WNK2: variants seen among roughly 807,000 people sequenced by gnomAD.
WNK2 encodes the protein serine/threonine-protein kinase WNK2.
Under a neutral mutation model 192.1 loss-of-function variants are expected in WNK2, and 67 were observed. The observed-to-expected ratio is 0.35, with a 90% CI of 0.29 to 0.43. The LOEUF (loss-of-function observed/expected upper bound fraction) is 0.43, where lower values mean the gene tolerates loss of function less well. Among genes scored for constraint, WNK2 ranks in the 20% least tolerant of loss-of-function variants. The probability of loss-of-function intolerance (pLI) is 1.00; values close to 1 mark genes in which losing one functional copy is unlikely to be tolerated. For missense variants in WNK2, 2,698 were observed against 3,089.7 expected (o/e 0.87, Z 3.01); for synonymous variants, 1,439 against 1,393.9 (o/e 1.03, Z -0.72).
At chr9:93,223,718 G>C (rs541561284) in intron 2 of WNK2, among the ~76,000 whole-genome samples, 1 of 152,244 alleles carries the variant, frequency 6.6e-6, no homozygotes, top group Admixed American at 6.5e-5. Context: ...CTGGCCCCCA[G>C]CTTGGGTCGA....
chr9:93,303,182 A>T (rs1237238068), intron 26 of WNK2, among the ~76,000 whole-genome samples: 1 of 152,144 alleles, frequency 6.6e-6, no homozygotes, highest in Non-Finnish European at 1.5e-5. Context: ...GGCCTCCCAA[A>T]GTGCTGGGAT....
chr9:93,242,451 T>G (rs1010406439), intron 7 of WNK2, among the ~76,000 whole-genome samples: 37 of 152,250 alleles, frequency 2.4e-4, no homozygotes, highest in Non-Finnish European at 7.3e-5. Context: ...ATTGAATTGC[T>G]ACAAGTTTGC....
chr9:93,246,102 T>C (rs1841634828), intron 7 of WNK2, among the ~76,000 whole-genome samples: 2 of 152,188 alleles, frequency 1.3e-5, no homozygotes, highest in South Asian at 4.1e-4. Flanking sequence ...CACCCCCATA[T>C]GCAAAATGCA....
Position 93,184,266 on chromosome 9 carries a change from C to T in WNK2, c.-122C>T, listed in dbSNP as rs1444460665. On this transcript the variant is annotated 5_prime_UTR_variant, in exon 1 of 30. In the 5' UTR this introduces an upstream ATG that the reference lacks. Coordinates refer to ENST00000427277, the MANE Select transcript of WNK2 (RefSeq NM_006648.4). ...GCGCGCAGGAGCTGGAGCGGCGCCA[C>T]GGCCCCCACCCCAGCGCGGACCTCG... Among the ~76,000 whole-genome samples, 1 of 151,036 alleles carries T rather than the reference C, an allele frequency of 6.6e-6. No individual in the cohort carries two copies. Among genetic ancestry groups the T allele is most frequent in the Non-Finnish European group, 1.5e-5 (1 of 67,642 alleles).
At chr9:93,245,303 C>T (rs1263354186) in intron 7 of WNK2, among the ~76,000 whole-genome samples, 1 of 152,202 alleles carries the variant, frequency 6.6e-6, no homozygotes, top group Non-Finnish European at 1.5e-5. Flanking sequence ...ACCGTCAATC[C>T]TCAGGCCCAT....
In WNK2 at chr9:93,292,338, A is replaced by G. The variant is rs1479847818; in HGVS notation, c.4967A>G (p.Tyr1656Cys). Reference protein sequence around the residue: ...AESSPRSMLGYDRDGRQVASD... With the variant: ...AESSPRSMLGCDRDGRQVASD... ...TCGTCTCCCAGGAGTATGCTAGGCT[A>G]TGACAGAGATGGAAGGCAGGTGGCC... Residue 1656 changes from tyrosine (Y) to cysteine (C), a missense_variant, in exon 22 of 30, where the codon TAT (tyrosine) becomes TGT (cysteine). Tyr to Cys is a radical substitution (Grantham distance 194). Coordinates refer to ENST00000427277, the MANE Select transcript of WNK2 (RefSeq NM_006648.4). 6.8e-6 allele frequency: 11 copies of G among 1,613,846 alleles called. No individual in the cohort carries two copies. Among genetic ancestry groups the G allele is most frequent in the South Asian group, 1.1e-5 (1 of 91,086 alleles).
At chr9:93,222,810 G>A (rs1837156169) in intron 2 of WNK2, among the ~76,000 whole-genome samples, 2 of 152,054 alleles carry the variant, frequency 1.3e-5, no homozygotes, top group South Asian at 2.1e-4. Context: ...AGCCTCCCGA[G>A]TAGCTGGGAT....
intron 7 of WNK2, among the ~76,000 whole-genome samples, chr9:93,246,202 C>T (rs1283191173): frequency 1.3e-5 from 2 of 152,192 alleles, no homozygotes; most frequent in African/African-American, 4.8e-5. Flanking sequence ...CAGCGGGAGG[C>T]CCTCAGCACT....
At chr9:93,279,422 C>T (rs1588398701) in intron 19 of WNK2, among the ~76,000 whole-genome samples, 1 of 152,214 alleles carries the variant, frequency 6.6e-6, no homozygotes, top group Non-Finnish European at 1.5e-5. Context: ...GAACAATGCT[C>T]ATGGAAATTA....
intron 4 of WNK2, among the ~76,000 whole-genome samples, chr9:93,231,741 G>A (rs1017206373): frequency 6.6e-6 from 1 of 152,202 alleles, no homozygotes; most frequent in African/African-American, 2.4e-5. Flanking sequence ...CAGTACAGAC[G>A]CCCTCCTGTG....
chr9:93,245,946 A>G (rs1841599938), intron 7 of WNK2, among the ~76,000 whole-genome samples: 1 of 152,156 alleles, frequency 6.6e-6, no homozygotes, highest in Non-Finnish European at 1.5e-5. Context: ...GGCTTCCCCT[A>G]GAGCAGATGA....
intron 4 of WNK2, among the ~76,000 whole-genome samples, chr9:93,233,401 T>C (rs1244924989): frequency 4.6e-5 from 7 of 151,890 alleles, no homozygotes; most frequent in Non-Finnish European, 1.0e-4. Flanking sequence ...AAATGTTAAC[T>C]TTAAAAAAGA....
chr9:93,208,698 G>GTGT (rs375326618), intron 2 of WNK2, among the ~76,000 whole-genome samples: 2 of 1,166 alleles, frequency 1.7e-3, no homozygotes, highest in Admixed American at 9.4e-3. Context: ...TGTTCTGTGT[G>GTGT]TCTGCGTGTT....
chr9:93,315,823 G>GTGTGTGTGTGTA (rs1021505499), intron 28 of WNK2: 20 of 146,908 alleles, frequency 1.4e-4, no homozygotes, highest in African/African-American at 4.9e-4. Context: ...GTGTGTGTGT[G>GTGTGTGTGTGTA]TATATAATGG....
intron 5 of WNK2, 92 bp from the exon 6 acceptor site, chr9:93,238,141 C>G: frequency 1.8e-6 from 2 of 1,124,076 alleles, no homozygotes; most frequent in Non-Finnish European, 2.7e-6. Context: ...CGTGTCCTGC[C>G]GTGGCTGGGA....
intron 19 of WNK2, among the ~76,000 whole-genome samples, chr9:93,275,812 G>A (rs1426867862): frequency 6.6e-6 from 1 of 152,230 alleles, no homozygotes; most frequent in East Asian, 1.9e-4. Context: ...TATACTGGCA[G>A]TGAACAATTG....
intron 29 of WNK2, chr9:93,318,339 G>A: frequency 6.3e-7 from 1 of 1,586,562 alleles, no homozygotes. Flanking sequence ...AAGTATTGAA[G>A]AGCTTCCATT....
intron 2 of WNK2, among the ~76,000 whole-genome samples, chr9:93,193,563 A>T: frequency 6.6e-6 from 1 of 152,220 alleles, no homozygotes; most frequent in East Asian, 1.9e-4. Flanking sequence ...GCTGCAGATA[A>T]GGAAAAGGGT....
rs1289644737 is a variant in WNK2 at position 93,239,729 on chromosome 9, C to T, written c.1323-28C>T. On this transcript the variant is annotated intron_variant, in intron 6 of 29. Transcript: ENST00000427277. This position sits in a 1 kb window ranked among gnomAD's most constrained non-coding sequence, Gnocchi z 4.2. The stretch of plus-strand genomic sequence containing the variant: ...GGCATGGAGGCCCTGGCGCCCGTGC[C>T]CCTGCCTGTCAGCTGCTCTCCCTCC... 3.9e-6 allele frequency: 6 copies of T among 1,538,362 alleles called. No individual in the cohort carries two copies. Among genetic ancestry groups the T allele is most frequent in the Non-Finnish European group, 5.3e-6 (6 of 1,137,960 alleles).
Sources: gnomAD v4.1 joint callset for allele counts (sites outside exome capture counted in the v4.1 genomes callset) on GRCh38, gnomAD v4.1.1 for gene constraint, Gnocchi (gnomAD v3.1) non-coding constraint, MANE v1.5 for transcripts, NCBI Gene and HGNC (gene_info 2026-07-23, HGNC 2026-07-21) for gene names.